ATP8A1: variants seen among roughly 807,000 people sequenced by gnomAD.
The protein encoded by ATP8A1 is phospholipid-transporting ATPase IA.
In ATP8A1, 90 loss-of-function variants were observed where a neutral mutation model predicts 177.7. That is an observed-to-expected ratio of 0.51 (90% CI 0.43 to 0.60). The LOEUF (loss-of-function observed/expected upper bound fraction) is 0.60. Ranked by LOEUF, ATP8A1 falls within the 20% of genes least tolerant of loss-of-function variation. ATP8A1 has a pLI of 0.00. For missense variants in ATP8A1, 1,072 were observed against 1,392.8 expected (o/e 0.77, Z 3.67); for synonymous variants, 493 against 485.9 (o/e 1.01, Z -0.19).
chr4:42,463,504 A>G (rs1719395439), intron 27 of ATP8A1, among the ~76,000 whole-genome samples: 1 of 152,178 alleles, frequency 6.6e-6, no homozygotes, highest in South Asian at 2.1e-4. Flanking sequence ...CCTTTTGTAA[A>G]TTGCCCAGCC....
chr4:42,468,049 A>G (rs1719981562), intron 25 of ATP8A1, among the ~76,000 whole-genome samples: 1 of 151,862 alleles, frequency 6.6e-6, no homozygotes, highest in African/African-American at 2.4e-5. Flanking sequence ...TCCTGCAAGA[A>G]TGGCCATAAT....
intron 25 of ATP8A1, among the ~76,000 whole-genome samples, chr4:42,468,474 T>G (rs1393362007): frequency 6.6e-6 from 1 of 151,460 alleles, no homozygotes; most frequent in Non-Finnish European, 1.5e-5. Context: ...TACACATATA[T>G]GAATGAGATG....
In ATP8A1 at chr4:42,595,488, T is replaced by C. The variant is rs562800765; in HGVS notation, c.451-4604A>G. On this transcript the variant is annotated intron_variant, in intron 6 of 36. Transcript: ENST00000381668. ...ATCTGAAAGTTGGACTAGCTGAAAC[T>C]GGCAAATTACCAGGGATCTTGGAAT... 1.4e-4 allele frequency among the ~76,000 whole-genome samples: 21 copies of C among 152,274 alleles called. No homozygotes were observed. In the South Asian group the frequency reaches 3.3e-3, roughly 24 times the overall value.
At chr4:42,553,454 A>G (rs1363790944) in intron 16 of ATP8A1, among the ~76,000 whole-genome samples, 3 of 152,004 alleles carry the variant, frequency 2.0e-5, no homozygotes, top group Non-Finnish European at 4.4e-5. Flanking sequence ...TGTCCAGGGG[A>G]CTCTTACAGC....
chr4:42,638,107 T>C (rs926779276), intron 1 of ATP8A1, among the ~76,000 whole-genome samples: 7 of 152,186 alleles, frequency 4.6e-5, no homozygotes, highest in Non-Finnish European at 1.0e-4. Context: ...ACTAAATGTT[T>C]GCTAAATTTT....
At chr4:42,556,742 T>C (rs1236511005) in intron 15 of ATP8A1, among the ~76,000 whole-genome samples, 1 of 152,008 alleles carries the variant, frequency 6.6e-6, no homozygotes, top group Non-Finnish European at 1.5e-5. Flanking sequence ...ATAAAAATAC[T>C]GAGATTCAAA....
At chr4:42,643,699 T>C (rs1740234535) in intron 1 of ATP8A1, among the ~76,000 whole-genome samples, 1 of 152,320 alleles carries the variant, frequency 6.6e-6, no homozygotes, top group South Asian at 2.1e-4. Flanking sequence ...TGAAAACTCC[T>C]TGGGAGATTC....
At chr4:42,604,508 T>C (rs958419316) in intron 5 of ATP8A1, among the ~76,000 whole-genome samples, 2 of 152,188 alleles carry the variant, frequency 1.3e-5, no homozygotes, top group Non-Finnish European at 2.9e-5. Flanking sequence ...TATAAAACCA[T>C]TGCAACAGTT....
At chr4:42,489,779 G>A (rs920819382) in intron 24 of ATP8A1, among the ~76,000 whole-genome samples, 12 of 152,066 alleles carry the variant, frequency 7.9e-5, no homozygotes, top group Admixed American at 1.3e-4. Flanking sequence ...ATCTCCTGTA[G>A]CTAAGGATAA....
intron 5 of ATP8A1, among the ~76,000 whole-genome samples, chr4:42,604,414 A>G (rs1455709404): frequency 1.1e-5 from 1 of 93,654 alleles, no homozygotes; most frequent in East Asian, 3.0e-4. Flanking sequence ...TTCCAGTGTT[A>G]TCACACAGCA....
At chr4:42,651,943 C>T (rs1036077951) in intron 1 of ATP8A1, among the ~76,000 whole-genome samples, 5 of 152,190 alleles carry the variant, frequency 3.3e-5, no homozygotes, top group African/African-American at 4.8e-5. Context: ...TTCAAACACC[C>T]ATTTGATTTA....
chr4:42,592,737 T>G (rs28645073), intron 6 of ATP8A1, among the ~76,000 whole-genome samples: 86,735 of 151,846 alleles, frequency 0.57, 24,951 homozygotes, highest in South Asian at 0.67. Flanking sequence ...CCATATGGTA[T>G]AGCAGATTGC....
At chr4:42,415,720 T>C (rs1374544766) in intron 35 of ATP8A1, among the ~76,000 whole-genome samples, 1 of 152,238 alleles carries the variant, frequency 6.6e-6, no homozygotes, top group East Asian at 1.9e-4. Context: ...TCTTGTGTTT[T>C]TCCCACTATA....
At chr4:42,530,608 T>C (rs899399298) in intron 20 of ATP8A1, among the ~76,000 whole-genome samples, 5 of 152,198 alleles carry the variant, frequency 3.3e-5, no homozygotes, top group Non-Finnish European at 7.3e-5. Flanking sequence ...GTGGGCTCAC[T>C]GGTCTTACCA....
At chr4:42,623,012 A>AC (rs1418285382) in intron 4 of ATP8A1, among the ~76,000 whole-genome samples, 1 of 151,214 alleles carries the variant, frequency 6.6e-6, no homozygotes, top group Non-Finnish European at 1.5e-5. Flanking sequence ...TCTGTCTCAA[A>AC]AAAAAAAAAA....
At chr4:42,498,381 C>T (rs1048908670) in intron 24 of ATP8A1, among the ~76,000 whole-genome samples, 3 of 152,190 alleles carry the variant, frequency 2.0e-5, no homozygotes, top group Admixed American at 2.0e-4. Context: ...TCAAAACTTA[C>T]ATGGTGTTAG....
intron 33 of ATP8A1, among the ~76,000 whole-genome samples, chr4:42,438,028 G>A (rs1172122989): frequency 6.6e-6 from 1 of 151,046 alleles, no homozygotes; most frequent in Non-Finnish European, 1.5e-5. Flanking sequence ...ATGGAACTAA[G>A]TACTTCGATG....
chr4:42,575,433 CCTT>C (rs1171068959), intron 13 of ATP8A1, among the ~76,000 whole-genome samples, 186 bp downstream of exon 13: 2 of 152,286 alleles, frequency 1.3e-5, no homozygotes, highest in East Asian at 1.9e-4. Context: ...AGCAAAATCT[CCTT>C]GAGACAGTGT....
intron 24 of ATP8A1, among the ~76,000 whole-genome samples, chr4:42,494,995 C>G (rs963313085): frequency 6.6e-6 from 1 of 152,284 alleles, no homozygotes; most frequent in African/African-American, 2.4e-5. Flanking sequence ...TTTGCTAAGG[C>G]TCTACCTTTT....
Sources: allele counts gnomAD v4.1 joint callset (sites outside exome capture counted in the v4.1 genomes callset), GRCh38; gene constraint gnomAD v4.1.1; transcripts MANE v1.5; gene names NCBI Gene and HGNC (gene_info 2026-07-23, HGNC 2026-07-21).